The following COL26A1 variants were observed in gnomAD, a reference collection of about 807,000 sequenced individuals.
COL26A1 encodes the protein collagen type XXVI alpha 1 chain, also known as collagen alpha-1(XXVI) chain.
In COL26A1, 41 loss-of-function variants were observed where a neutral mutation model predicts 59.3. That is an observed-to-expected ratio of 0.69 (90% CI 0.54 to 0.90). The LOEUF (loss-of-function observed/expected upper bound fraction) is 0.90, where lower values mean the gene tolerates loss of function less well. Among genes scored for constraint, COL26A1 ranks in the 40% least tolerant of loss-of-function variants. The probability of loss-of-function intolerance (pLI) is 0.00; values close to 1 mark genes in which losing one functional copy is unlikely to be tolerated. For synonymous variants in COL26A1, 266 were observed against 256.0 expected, an observed-to-expected ratio of 1.04 and a Z score of -0.37; for missense variants, 612 against 602.3, an observed-to-expected ratio of 1.02 and a Z score of -0.17.
At chr7:101,362,692 G>C (rs1214728047), upstream of COL26A1, 2 of 380,196 alleles carry the variant, frequency 5.3e-6, no homozygotes, top group Non-Finnish European at 9.4e-6. Flanking sequence ...CTGGGCGCGA[G>C]GTCTGGCTTT....
chr7:101,494,467 T>C (rs1333064040), intron 3 of COL26A1, among the ~76,000 whole-genome samples: 1 of 152,204 alleles, frequency 6.6e-6, no homozygotes, highest in Admixed American at 6.5e-5. Flanking sequence ...ACATTCATAA[T>C]AGGAAGAGAT....
At chr7:101,521,041 A>T (rs1041945310) in intron 3 of COL26A1, among the ~76,000 whole-genome samples, 2 of 152,236 alleles carry the variant, frequency 1.3e-5, no homozygotes, top group Non-Finnish European at 2.9e-5. Flanking sequence ...TCACAACTCT[A>T]CATGGCTGGG....
At chr7:101,387,742 ATATATATATATT>A (rs1256688659) in intron 1 of COL26A1, among the ~76,000 whole-genome samples, 1,502 of 103,818 alleles carry the variant, frequency 0.014, 30 homozygotes, top group South Asian at 0.035. Context: ...ATAATTATAT[ATATATATATATT>A]TATATATATA....
intron 1 of COL26A1, among the ~76,000 whole-genome samples, chr7:101,406,972 C>T (rs1792142277): frequency 6.6e-6 from 1 of 152,022 alleles, no homozygotes; most frequent in African/African-American, 2.4e-5. Context: ...ACAAGAAAAC[C>T]TCATCCTACT....
At chr7:101,441,663 A>C (rs1018295284) in intron 2 of COL26A1, among the ~76,000 whole-genome samples, 1 of 151,982 alleles carries the variant, frequency 6.6e-6, no homozygotes, top group African/African-American at 2.4e-5. Context: ...TCATCATTCC[A>C]AGTGTGGATT....
Position 101,362,909 on chromosome 7 carries a change from C to G in COL26A1, c.-124C>G. 1.9e-6 allele frequency: 2 copies of G among 1,037,836 alleles called. No homozygotes were observed. The allele number at this position is 1,037,836 out of a possible 1,614,324, so 64.3% of individuals were successfully genotyped here. A position where few individuals can be genotyped will look rare whatever the true frequency, so the allele number is the denominator to read the frequency against. On this transcript the variant is annotated 5_prime_UTR_variant, in exon 1 of 13. Coordinates refer to ENST00000313669, the MANE Select transcript of COL26A1 (RefSeq NM_001278563.3). Reference sequence around the variant, plus strand: ...ACATTTCCAGCTCGCACCCGGGCTCCGACCGCTCGCCCCGCTCCTCTCGCT... The same window carrying G: ...ACATTTCCAGCTCGCACCCGGGCTCGGACCGCTCGCCCCGCTCCTCTCGCT...
rs865877043 is a variant in COL26A1 at position 101,519,721 on chromosome 7, T to A, written c.386-13361T>A. 3.3e-5 allele frequency among the ~76,000 whole-genome samples: 5 copies of A among 152,146 alleles called. No individual in the cohort carries two copies. In the South Asian group the frequency reaches 1.0e-3, roughly 31 times the overall value. Reference sequence around the variant, plus strand: ...TCAGAGGCAGGGACCACCTGGACACTCTTTTAAAGCCCGTTCAACCTCGTC... The same window carrying A: ...TCAGAGGCAGGGACCACCTGGACACACTTTTAAAGCCCGTTCAACCTCGTC... On this transcript the variant is annotated intron_variant, in intron 3 of 12. Transcript: ENST00000313669.
intron 1 of COL26A1, among the ~76,000 whole-genome samples, chr7:101,414,407 G>GCTCGCT (rs1792322832): frequency 1.7e-5 from 2 of 117,536 alleles, no homozygotes; most frequent in Non-Finnish European, 3.9e-5. Flanking sequence ...TCTCTCTCTC[G>GCTCGCT]CTCGCTCTCG....
At chr7:101,387,365 C>G (rs114654512) in intron 1 of COL26A1, among the ~76,000 whole-genome samples, 3 of 143,300 alleles carry the variant, frequency 2.1e-5, no homozygotes, top group Admixed American at 7.5e-5. Context: ...GAAAGAAACC[C>G]GACACACTGA....
chr7:101,397,158 T>G (rs1791874671), intron 1 of COL26A1, among the ~76,000 whole-genome samples: 1 of 152,196 alleles, frequency 6.6e-6, no homozygotes, highest in African/African-American at 2.4e-5. Flanking sequence ...TAAGGGCTCC[T>G]GTGCACTGCA....
At chr7:101,479,237 G>A (rs1794108935) in intron 3 of COL26A1, among the ~76,000 whole-genome samples, 1 of 151,452 alleles carries the variant, frequency 6.6e-6, no homozygotes, top group Non-Finnish European at 1.5e-5. Context: ...AATTTTTGGT[G>A]TTACTAGAAT....
intron 1 of COL26A1, among the ~76,000 whole-genome samples, chr7:101,369,166 G>A (rs1456189984): frequency 6.6e-6 from 1 of 152,064 alleles, no homozygotes; most frequent in Non-Finnish European, 1.5e-5. Context: ...CAGCACTTTG[G>A]GAGGCCAAGG....
At chr7:101,554,634 C>A (rs1234635032) in intron 11 of COL26A1, among the ~76,000 whole-genome samples, 1 of 150,376 alleles carries the variant, frequency 6.6e-6, no homozygotes, top group Admixed American at 6.6e-5. Context: ...GTCCCAGCTA[C>A]TTGGGAGGCT....
At chr7:101,486,427 A>C (rs1794270961) in intron 3 of COL26A1, among the ~76,000 whole-genome samples, 1 of 152,198 alleles carries the variant, frequency 6.6e-6, no homozygotes, top group South Asian at 2.1e-4. Context: ...GACATTGAGG[A>C]CAGTGGGGGC....
At chr7:101,371,704 A>G (rs1242581591) in intron 1 of COL26A1, among the ~76,000 whole-genome samples, 1 of 152,110 alleles carries the variant, frequency 6.6e-6, no homozygotes, top group Non-Finnish European at 1.5e-5. Flanking sequence ...AGGTGGGAAG[A>G]ACGCTTGAAC....
At chr7:101,405,166 T>C (rs1010001106) in intron 1 of COL26A1, among the ~76,000 whole-genome samples, 1 of 151,698 alleles carries the variant, frequency 6.6e-6, no homozygotes, top group African/African-American at 2.4e-5. Flanking sequence ...GAGCTTGCAG[T>C]GAGCTGAGAT....
At chr7:101,475,394 A>G (rs536567445) in intron 3 of COL26A1, among the ~76,000 whole-genome samples, 25 of 152,102 alleles carry the variant, frequency 1.6e-4, no homozygotes, top group African/African-American at 5.8e-4. Context: ...GTGTCAGGGG[A>G]AAAGTGTGGG....
chr7:101,445,271 C>G (rs1272761441), intron 2 of COL26A1, among the ~76,000 whole-genome samples: 2 of 152,176 alleles, frequency 1.3e-5, no homozygotes, highest in Admixed American at 6.6e-5. Flanking sequence ...CTGTATTAGA[C>G]TGTTCTTGTG....
intron 3 of COL26A1, among the ~76,000 whole-genome samples, chr7:101,475,809 T>TTCC (rs1563000047): frequency 7.6e-4 from 31 of 40,948 alleles, no homozygotes; most frequent in African/African-American, 3.4e-3. Flanking sequence ...TCCTTCCTTC[T>TTCC]TTCTTTCTTT....
Sources: allele counts gnomAD v4.1 joint callset (sites outside exome capture counted in the v4.1 genomes callset), GRCh38; gene constraint gnomAD v4.1.1; transcripts MANE v1.5; gene names NCBI Gene and HGNC (gene_info 2026-07-23, HGNC 2026-07-21).